Variants in SLC25A17 observed in about 807,000 individuals in gnomAD.
SLC25A17 encodes the protein peroxisomal membrane protein PMP34.
SLC25A17 carries 26 observed loss-of-function variants against 38.5 expected under a neutral mutation model. The ratio of observed to expected loss-of-function variants is 0.68; its 90% CI spans 0.50 to 0.94. SLC25A17 has a LOEUF of 0.94. SLC25A17 is among the 40% of genes least tolerant of loss of function. The pLI is 0.00. For missense variants in SLC25A17, 333 were observed against 372.7 expected (o/e 0.89, Z 0.88); for synonymous variants, 139 against 136.2 (o/e 1.02, Z -0.14).
chr22:40,785,292 GA>G (rs1210382485), intron 4 of SLC25A17, among the ~76,000 whole-genome samples: 1 of 152,238 alleles, frequency 6.6e-6, no homozygotes, highest in African/African-American at 2.4e-5. Context: ...GCTGAGACAG[GA>G]AAATCTCTTG....
intron 1 of SLC25A17, among the ~76,000 whole-genome samples, chr22:40,809,091 A>G (rs568397729): frequency 3.3e-5 from 5 of 152,198 alleles, no homozygotes; most frequent in South Asian, 4.1e-4. Flanking sequence ...TTAACATGTA[A>G]TGGATGTATT....
chr22:40,814,779 ATATATATATATT>A lies in SLC25A17; in HGVS notation c.54+4404_54+4415del, dbSNP rs1247789420. 5.0e-3 allele frequency among the ~76,000 whole-genome samples: 311 copies of A among 62,754 alleles called. 1 individual carries two copies. The highest frequency in any genetic ancestry group is 0.02 in the African/African-American group (276 of 13,624). The allele number at this position is 62,754 out of a possible 152,430, so 41.2% of individuals were successfully genotyped here. On this transcript the variant is annotated intron_variant, in intron 1 of 8. Coordinates refer to ENST00000435456, the MANE Select transcript of SLC25A17 (RefSeq NM_006358.4). ...AATATATATATATATATATATATAT[ATATATATATATT>A]GTTGTTGTTGTTGTTGTTTTGTTTT...
intron 1 of SLC25A17, among the ~76,000 whole-genome samples, chr22:40,813,007 TGTAA>T (rs2057598414): frequency 6.6e-6 from 1 of 152,234 alleles, no homozygotes; most frequent in Admixed American, 6.5e-5. Flanking sequence ...TCAGAGTTAA[TGTAA>T]GTCTTTTCCC....
chr22:40,777,165 C>A (rs745496096), intron 6 of SLC25A17, 30 bp from the exon 7 acceptor site: 3 of 1,613,776 alleles, frequency 1.9e-6, no homozygotes, highest in South Asian at 1.1e-5. Flanking sequence ...CAAACCATAT[C>A]AATCAAGTCA....
chr22:40,816,609 G>GTTTTTTTTTTT (rs55809010), intron 1 of SLC25A17, among the ~76,000 whole-genome samples: 1 of 137,970 alleles, frequency 7.2e-6, no homozygotes, highest in African/African-American at 2.7e-5. Flanking sequence ...ATTTTTTATT[G>GTTTTTTTTTTT]TTTTTTTTTT....
At chr22:40,804,402 T>C (rs1661125248) in intron 1 of SLC25A17, among the ~76,000 whole-genome samples, 1 of 152,160 alleles carries the variant, frequency 6.6e-6, no homozygotes, top group South Asian at 2.1e-4. Flanking sequence ...GTCAATCTAA[T>C]TGGGGTGAGG....
intron 8 of SLC25A17, among the ~76,000 whole-genome samples, chr22:40,772,639 T>C (rs1602583856): frequency 1.3e-5 from 2 of 152,050 alleles, no homozygotes; most frequent in Admixed American, 6.6e-5. Flanking sequence ...GTTCTTTTTT[T>C]TTTTTTATTT....
rs954109297 is a variant in SLC25A17 at position 40,801,147 on chromosome 22, A to T, written c.55-2064T>A. On this transcript the variant is annotated intron_variant, in intron 1 of 8. Coordinates refer to ENST00000435456, the MANE Select transcript of SLC25A17 (RefSeq NM_006358.4). ...ATATTACATATATATATATATATATATATATATATATATATATATATGTAA... is the reference window on the plus strand; with the variant it reads ...ATATTACATATATATATATATATATTTATATATATATATATATATATGTAA... 3.2e-3 allele frequency among the ~76,000 whole-genome samples: 419 copies of T among 129,186 alleles called. 5 individuals are homozygous for T. Among genetic ancestry groups the T allele is most frequent in the African/African-American group, 0.015 (404 of 27,270 alleles). 84.8% of individuals were successfully genotyped at this position (129,186 alleles called of 152,430 possible). A position where few individuals can be genotyped will look rare whatever the true frequency, so the allele number is the denominator to read the frequency against.
In SLC25A17 at chr22:40,777,287, C is replaced by T. The variant is rs779708857; in HGVS notation, c.538G>A (p.Ala180Thr). Reference protein sequence around the residue: ...FPSLLLVFNPAIQFMFYEGLK... With the variant: ...FPSLLLVFNPTIQFMFYEGLK... ...CCTTCATAAAACATGAACTGGATGG[C>T]AGGATTGAAGACCAACAGCAATGAG... The change falls in exon 6 of 9, where the codon GCC becomes ACC. Residue 180 changes from alanine to threonine, a missense_variant. Transcript: ENST00000435456. 3 of 1,614,154 alleles carry T rather than the reference C, an allele frequency of 1.9e-6. No individual in the cohort carries two copies. The highest frequency in any genetic ancestry group is 2.5e-6 in the Non-Finnish European group (3 of 1,180,008).
intron 1 of SLC25A17, among the ~76,000 whole-genome samples, chr22:40,808,765 A>G (rs531341075): frequency 6.6e-6 from 1 of 152,352 alleles, no homozygotes; most frequent in African/African-American, 2.4e-5. Flanking sequence ...TTCTCAAACT[A>G]TAGTCTGGAG....
chr22:40,793,260 C>G (rs1207656690), intron 3 of SLC25A17, among the ~76,000 whole-genome samples: 1 of 152,134 alleles, frequency 6.6e-6, no homozygotes, highest in Non-Finnish European at 1.5e-5. Context: ...TAGCAGAATG[C>G]CAACATTGGT....
intron 8 of SLC25A17, among the ~76,000 whole-genome samples, chr22:40,772,710 C>T (rs2057197080): frequency 6.6e-6 from 1 of 151,844 alleles, no homozygotes; most frequent in African/African-American, 2.4e-5. Context: ...CATCATAGCT[C>T]AGTACAGCCT....
In SLC25A17 at chr22:40,812,884, A is replaced by G. The variant is rs890678363; in HGVS notation, c.54+6311T>C. ...TTAGTCTCAAAACAAATAAAAATTTAAAAAAATTTTTAAAAACCACCTAAG... is the reference window on the plus strand; with the variant it reads ...TTAGTCTCAAAACAAATAAAAATTTGAAAAAATTTTTAAAAACCACCTAAG... On this transcript the variant is annotated intron_variant, in intron 1 of 8. Transcript: ENST00000435456. Among the ~76,000 whole-genome samples the G allele has an allele frequency of 3.9e-5, 6 of 152,194 alleles. 1 individual carries two copies. The South Asian group carries it at 1.0e-3, about 26-fold the overall frequency.
At position 40,770,740 on chromosome 22, in the gene SLC25A17, T is replaced by A; in HGVS notation, c.*94A>T. ...AAGCCAATGAGGGTAACATTTGTGG[T>A]GGCAGGAGCCAGAGTCAAGGGAGAA... On this transcript the variant is annotated 3_prime_UTR_variant, in exon 9 of 9. Transcript: ENST00000435456. The A allele has an allele frequency of 7.5e-7, 1 of 1,341,412 alleles. No individual in the cohort carries two copies. Among genetic ancestry groups the A allele is most frequent in the East Asian group, 2.4e-5 (1 of 41,122 alleles). 83.1% of individuals were successfully genotyped at this position (1,341,412 alleles called of 1,614,324 possible). A position where few individuals can be genotyped will look rare whatever the true frequency, so the allele number is the denominator to read the frequency against.
chr22:40,812,449 T>C (rs996801784), intron 1 of SLC25A17, among the ~76,000 whole-genome samples: 2 of 152,146 alleles, frequency 1.3e-5, no homozygotes, highest in African/African-American at 4.8e-5. Flanking sequence ...AGAACATACA[T>C]AAATACAGAA....
At position 40,770,756 on chromosome 22, in the gene SLC25A17, C is replaced by T; in HGVS notation, c.*78G>A. ...CATTTGTGGTGGCAGGAGCCAGAGT[C>T]AAGGGAGAATCACTTCTCTTCACTC... On this transcript the variant is annotated 3_prime_UTR_variant, in exon 9 of 9. Transcript: ENST00000435456. 6.9e-7 allele frequency: 1 copy of T among 1,445,010 alleles called. No homozygotes were observed. The allele number at this position is 1,445,010 out of a possible 1,614,324, so 89.5% of individuals were successfully genotyped here.
At chr22:40,801,599 A>T (rs1389044432) in intron 1 of SLC25A17, among the ~76,000 whole-genome samples, 2 of 152,232 alleles carry the variant, frequency 1.3e-5, no homozygotes, top group Non-Finnish European at 2.9e-5. Flanking sequence ...CTCAACGACT[A>T]AATGATATTC....
chr22:40,787,882 A>G (rs920928892), intron 4 of SLC25A17, among the ~76,000 whole-genome samples: 2 of 152,224 alleles, frequency 1.3e-5, no homozygotes, highest in African/African-American at 4.8e-5. Flanking sequence ...ACATCTTTGT[A>G]GGTTTATGAT....
At chr22:40,774,816 C>G (rs1396947548) in intron 7 of SLC25A17, among the ~76,000 whole-genome samples, 1 of 152,130 alleles carries the variant, frequency 6.6e-6, no homozygotes, top group Non-Finnish European at 1.5e-5. Flanking sequence ...AGTAAAAATG[C>G]TTTTAACAGA....
Sources: gnomAD v4.1 joint callset for allele counts (sites outside exome capture counted in the v4.1 genomes callset) on GRCh38, gnomAD v4.1.1 for gene constraint, MANE v1.5 for transcripts, NCBI Gene and HGNC (gene_info 2026-07-23, HGNC 2026-07-21) for gene names.